ROBO2: variants seen among roughly 807,000 people sequenced by gnomAD.
The protein encoded by ROBO2 is roundabout homolog 2.
ROBO2 carries 53 observed loss-of-function variants against 160.8 expected under a neutral mutation model. The observed-to-expected ratio is 0.33, with a 90% CI of 0.26 to 0.41. The LOEUF (loss-of-function observed/expected upper bound fraction) is 0.41. Ranked by LOEUF, ROBO2 falls within the 10% of genes least tolerant of loss-of-function variation. The pLI is 1.00. For synonymous variants in ROBO2, 664 were observed against 611.7 expected (o/e 1.09, Z -1.26); for missense variants, 1,577 against 1,722.4 (o/e 0.92, Z 1.49).
At chr3:77,221,579 T>C (rs1005968751) in intron 2 of ROBO2, among the ~76,000 whole-genome samples, 1 of 152,134 alleles carries the variant, frequency 6.6e-6, no homozygotes, top group East Asian at 1.9e-4. Context: ...CCTAGATTGA[T>C]CTTCTTATAT....
intron 2 of ROBO2, among the ~76,000 whole-genome samples, chr3:76,036,232 C>A (rs967156131): frequency 1.3e-5 from 2 of 151,888 alleles, no homozygotes; most frequent in African/African-American, 4.8e-5. Flanking sequence ...TCACTGCAAC[C>A]GCCGCCTCCC....
chr3:76,459,730 AT>A (rs2077980022), intron 2 of ROBO2, among the ~76,000 whole-genome samples: 2 of 152,202 alleles, frequency 1.3e-5, no homozygotes, highest in African/African-American at 4.8e-5. Context: ...CATTATTGGA[AT>A]TCATCTTGTG....
At chr3:76,982,411 A>G (rs1412267331) in intron 2 of ROBO2, among the ~76,000 whole-genome samples, 5 of 152,206 alleles carry the variant, frequency 3.3e-5, no homozygotes, top group Non-Finnish European at 7.3e-5. Context: ...TGGACTCTCA[A>G]TTATGTTCCA....
At chr3:76,708,819 G>T (rs538575878) in intron 2 of ROBO2, among the ~76,000 whole-genome samples, 2 of 152,292 alleles carry the variant, frequency 1.3e-5, no homozygotes, top group Admixed American at 6.5e-5. Context: ...GAGTTTCAGT[G>T]CCAGATTGAC....
chr3:76,030,795 T>G (rs190269788), intron 2 of ROBO2, among the ~76,000 whole-genome samples: 8 of 152,320 alleles, frequency 5.3e-5, no homozygotes, highest in South Asian at 4.1e-4. Context: ...TGAAGTCAGG[T>G]AGCGTGATGC....
intron 2 of ROBO2, among the ~76,000 whole-genome samples, chr3:77,203,522 GA>G (rs1249034665): frequency 6.6e-6 from 1 of 152,182 alleles, no homozygotes; most frequent in East Asian, 1.9e-4. Context: ...TGATGGTGCT[GA>G]AATTTAAAAT....
intron 2 of ROBO2, among the ~76,000 whole-genome samples, chr3:76,099,590 G>A (rs1464125579): frequency 6.7e-6 from 1 of 150,170 alleles, no homozygotes; most frequent in Non-Finnish European, 1.5e-5. Context: ...TGAAGAAAAT[G>A]ACTAACAATA....
In ROBO2 at chr3:76,834,171, T is replaced by TTCTTTCTCTC. The variant is rs755070628; in HGVS notation, c.110-263840_110-263839insTTCTCTCTCT. Reference sequence around the variant, plus strand: ...CCTTTCTTTCTCTCTCTTTCTTTCTTTCTCTCTCTCTCTCTCTCTTTCTTT... The same window carrying TTCTTTCTCTC: ...CCTTTCTTTCTCTCTCTTTCTTTCTTTCTTTCTCTCTCTCTCTCTCTCTCTCTCTTTCTTT... On this transcript the variant is annotated intron_variant, in intron 2 of 26. Transcript: ENST00000487694. Among the ~76,000 whole-genome samples the TTCTTTCTCTC allele has an allele frequency of 1.4e-4, 16 of 117,106 alleles. 1 individual carries two copies. The highest frequency in any genetic ancestry group is 1.3e-3 in the South Asian group (4 of 3,180). The allele number at this position is 117,106 out of a possible 152,430, so 76.8% of individuals were successfully genotyped here. A position where few individuals can be genotyped will look rare whatever the true frequency, so the allele number is the denominator to read the frequency against.
intron 4 of ROBO2, among the ~76,000 whole-genome samples, chr3:77,490,737 A>T (rs775385634): frequency 6.6e-6 from 1 of 152,126 alleles, no homozygotes; most frequent in Non-Finnish European, 1.5e-5. Context: ...TTTACCTGCC[A>T]GTCTGTTTCA....
At chr3:77,330,703 T>C (rs2065888727) in intron 2 of ROBO2, among the ~76,000 whole-genome samples, 1 of 152,056 alleles carries the variant, frequency 6.6e-6, no homozygotes, top group African/African-American at 2.4e-5. Context: ...AAAGAAAACT[T>C]TGGTGGGAGG....
intron 2 of ROBO2, among the ~76,000 whole-genome samples, chr3:76,910,457 G>A (rs1452611788): frequency 6.6e-6 from 1 of 151,968 alleles, no homozygotes; most frequent in African/African-American, 2.4e-5. Context: ...GCCGCACATG[G>A]TGGCTCACGC....
intron 2 of ROBO2, among the ~76,000 whole-genome samples, chr3:76,273,782 CAT>C (rs746797040): frequency 2.6e-5 from 4 of 152,156 alleles, no homozygotes; most frequent in Non-Finnish European, 4.4e-5. Flanking sequence ...CCTCCCATGA[CAT>C]GTGGGGATTA....
intron 2 of ROBO2, among the ~76,000 whole-genome samples, chr3:77,339,737 G>A (rs2066865115): frequency 6.6e-6 from 1 of 151,670 alleles, no homozygotes; most frequent in African/African-American, 2.4e-5. Context: ...ATGAATTAGT[G>A]GCTTTAGGCA....
At chr3:76,880,229 C>A (rs2073195360) in intron 2 of ROBO2, among the ~76,000 whole-genome samples, 1 of 152,086 alleles carries the variant, frequency 6.6e-6, no homozygotes, top group African/African-American at 2.4e-5. Context: ...GCTACATACC[C>A]TCAAAACATC....
intron 2 of ROBO2, among the ~76,000 whole-genome samples, chr3:76,378,885 G>GA (rs1439765873): frequency 1.3e-5 from 2 of 152,178 alleles, no homozygotes; most frequent in African/African-American, 4.8e-5. Flanking sequence ...AAAAAAATTC[G>GA]AAAGAACTTG....
chr3:77,230,112 C>A (rs2086985233), intron 2 of ROBO2, among the ~76,000 whole-genome samples: 1 of 150,966 alleles, frequency 6.6e-6, no homozygotes, highest in Non-Finnish European at 1.5e-5. Context: ...TTTTTTGAGA[C>A]AGAATCTCTC....
chr3:76,645,970 A>T (rs2090949917), intron 2 of ROBO2, among the ~76,000 whole-genome samples: 1 of 152,208 alleles, frequency 6.6e-6, no homozygotes, highest in South Asian at 2.1e-4. Flanking sequence ...AAGTGGTTTG[A>T]TTTGAAGAGT....
chr3:76,165,010 G>A (rs1309211076), intron 2 of ROBO2, among the ~76,000 whole-genome samples: 1 of 152,086 alleles, frequency 6.6e-6, no homozygotes, highest in East Asian at 1.9e-4. Flanking sequence ...TCAAAGCTTT[G>A]CCAAGAAAAG....
intron 21 of ROBO2, among the ~76,000 whole-genome samples, chr3:77,610,741 C>CAA (rs71629658): frequency 0.017 from 336 of 19,786 alleles, 24 homozygotes; most frequent in East Asian, 0.041. Flanking sequence ...GGCCAAAGAC[C>CAA]AAAAAAAAAA....
Sources: allele counts gnomAD v4.1 joint callset (sites outside exome capture counted in the v4.1 genomes callset), GRCh38; gene constraint gnomAD v4.1.1; transcripts MANE v1.5; gene names NCBI Gene and HGNC (gene_info 2026-07-23, HGNC 2026-07-21).